MELK: variants seen among roughly 807,000 people sequenced by gnomAD.
MELK encodes the protein pEg3 kinase.
Under a neutral mutation model 85.0 loss-of-function variants are expected in MELK, and 81 were observed. The observed-to-expected ratio is 0.95, with a 90% CI of 0.80 to 1.15. MELK has a LOEUF of 1.15. MELK is among the 50% of genes most tolerant of loss of function. MELK has a pLI of 0.00. For synonymous variants in MELK, 252 were observed against 265.0 expected (o/e 0.95, Z 0.48); for missense variants, 754 against 777.5 (o/e 0.97, Z 0.36).
At chr9:36,668,723 C>A (rs1057105124) in intron 14 of MELK, among the ~76,000 whole-genome samples, 1 of 152,004 alleles carries the variant, frequency 6.6e-6, no homozygotes, top group African/African-American at 2.4e-5. Context: ...CCATGTTGGC[C>A]AGGCTGGTCT....
At chr9:36,647,244 G>A (rs924564081) in intron 11 of MELK, among the ~76,000 whole-genome samples, 1 of 152,168 alleles carries the variant, frequency 6.6e-6, no homozygotes, top group Non-Finnish European at 1.5e-5. Context: ...CAATGCCTGG[G>A]TTATGCCATG....
Position 36,657,325 on chromosome 9 carries a change from G to T in MELK, c.1138G>T (p.Asp380Tyr), listed in dbSNP as rs559946050. 4.3e-6 allele frequency: 7 copies of T among 1,613,092 alleles called. No individual in the cohort carries two copies. Among genetic ancestry groups the T allele is most frequent in the Non-Finnish European group, 5.9e-6 (7 of 1,179,804 alleles). Residue 380 changes from aspartate (D) to tyrosine (Y), a missense_variant, in exon 13 of 18, where the codon GAT (aspartate) becomes TAT (tyrosine). Physicochemically the swap from Asp to Tyr is radical, Grantham distance 160. Transcript: ENST00000298048. Reference protein sequence around the residue: ...GLIDYDWCEDDLSTGAATPRT... With the variant: ...GLIDYDWCEDYLSTGAATPRT... ...AATAGACTATGATTGGTGTGAAGAT[G>T]ATTTATCAACAGGTGCTGCTACTCC...
intron 8 of MELK, among the ~76,000 whole-genome samples, chr9:36,613,040 TAATGTGGCCTCCCATCAC>T (rs1311917328): frequency 8.5e-5 from 13 of 152,354 alleles, no homozygotes; most frequent in Admixed American, 4.6e-4. Context: ...TTCCCCCGTG[TAATGTGGCCTCCCATCAC>T]CTCACTGCCC....
intron 14 of MELK, 140 bp downstream of exon 14, chr9:36,665,721 C>T (rs112302692): frequency 2.3e-5 from 14 of 596,418 alleles, no homozygotes; most frequent in African/African-American, 1.9e-4. Flanking sequence ...ATGTCATTTG[C>T]ATTAGTTAAA....
intron 8 of MELK, among the ~76,000 whole-genome samples, chr9:36,615,388 G>T (rs1259627085): frequency 7.4e-6 from 1 of 136,016 alleles, no homozygotes; most frequent in African/African-American, 3.0e-5. Context: ...CTGGCCGGGC[G>T]GGGGGCTGAC....
chr9:36,629,380 T>C (rs987945483), intron 8 of MELK, among the ~76,000 whole-genome samples: 1 of 152,210 alleles, frequency 6.6e-6, no homozygotes, highest in Non-Finnish European at 1.5e-5. Flanking sequence ...TGTATTAGCA[T>C]TTAGCCAAGT....
chr9:36,599,422 G>T lies in MELK; in HGVS notation c.503G>T (p.Cys168Phe). Residue 168 changes from cysteine (C) to phenylalanine (F), a missense_variant, in exon 7 of 18, where the codon TGC becomes TTC. Cys to Phe is a radical substitution (Grantham distance 205, BLOSUM62 -2). Coordinates refer to ENST00000298048, the MANE Select transcript of MELK (RefSeq NM_014791.4). ...AACAAGGATTACCATCTACAGACATGCTGTGGGAGTCTGGCTTATGCAGCA... is the reference window on the plus strand; with the variant it reads ...AACAAGGATTACCATCTACAGACATTCTGTGGGAGTCTGGCTTATGCAGCA... ...KGNKDYHLQT[C>F]CGSLAYAAPE... is the part of the protein sequence containing the mutation. The T allele has an allele frequency of 6.2e-7, 1 of 1,613,074 alleles. No individual in the cohort carries two copies. Among genetic ancestry groups the T allele is most frequent in the Non-Finnish European group, 8.5e-7 (1 of 1,179,422 alleles).
At chr9:36,582,186 T>C (rs1822320724) in intron 2 of MELK, among the ~76,000 whole-genome samples, 1 of 152,118 alleles carries the variant, frequency 6.6e-6, no homozygotes, top group Admixed American at 6.6e-5. Context: ...ATCAGGATGG[T>C]CTCGATCTCC....
chr9:36,660,414 C>T (rs1831681914), intron 13 of MELK, among the ~76,000 whole-genome samples: 1 of 151,848 alleles, frequency 6.6e-6, no homozygotes, highest in Non-Finnish European at 1.5e-5. Context: ...ACCTCCTGGG[C>T]TTAAGCAATT....
At chr9:36,660,081 G>A (rs534567439) in intron 13 of MELK, among the ~76,000 whole-genome samples, 1 of 152,300 alleles carries the variant, frequency 6.6e-6, no homozygotes, top group African/African-American at 2.4e-5. Context: ...TTACAGGCGT[G>A]AGCCACCATG....
At chr9:36,629,843 G>GTTTT (rs11298711) in intron 8 of MELK, among the ~76,000 whole-genome samples, 80 of 111,472 alleles carry the variant, frequency 7.2e-4, no homozygotes, top group Non-Finnish European at 9.7e-4. Flanking sequence ...GCAAGAAATT[G>GTTTT]TTTTTTTTTT....
At chr9:36,577,186 C>T (rs1161214304) in intron 1 of MELK, among the ~76,000 whole-genome samples, 2 of 152,086 alleles carry the variant, frequency 1.3e-5, no homozygotes, top group Non-Finnish European at 2.9e-5. Flanking sequence ...AGGTAGTTTA[C>T]GTGGCACCTG....
intron 14 of MELK, 96 bp downstream of exon 14, chr9:36,665,677 G>A (rs908243068): frequency 1.2e-6 from 1 of 839,906 alleles, no homozygotes; most frequent in Non-Finnish European, 1.8e-6. Flanking sequence ...ATTGCTTTCA[G>A]GAATTTCTAG....
chr9:36,627,095 C>T (rs1021777166), intron 8 of MELK, among the ~76,000 whole-genome samples: 7 of 150,854 alleles, frequency 4.6e-5, no homozygotes, highest in African/African-American at 1.7e-4. Context: ...CACACGCCAA[C>T]TGTAAATGAA....
intron 3 of MELK, among the ~76,000 whole-genome samples, chr9:36,588,199 G>A (rs1377501714): frequency 6.7e-6 from 1 of 150,144 alleles, no homozygotes; most frequent in African/African-American, 2.5e-5. Context: ...TGGGATTACA[G>A]ACATGCGCCA....
intron 11 of MELK, among the ~76,000 whole-genome samples, chr9:36,646,341 A>G (rs186945277): frequency 7.8e-4 from 119 of 152,318 alleles, no homozygotes; most frequent in Non-Finnish European, 3.2e-4. Context: ...TAGACAGGAC[A>G]GAGAGAGATT....
At chr9:36,578,243 G>GTTT (rs111828743) in intron 1 of MELK, among the ~76,000 whole-genome samples, 1 of 148,466 alleles carries the variant, frequency 6.7e-6, no homozygotes. Flanking sequence ...GATCCAATGT[G>GTTT]TTTTTTTTTT....
At chr9:36,649,256 G>A (rs1382322402) in intron 11 of MELK, among the ~76,000 whole-genome samples, 2 of 152,168 alleles carry the variant, frequency 1.3e-5, no homozygotes, top group South Asian at 2.1e-4. Flanking sequence ...GGAGGCCAGC[G>A]CGGGCAGATC....
chr9:36,626,453 A>G (rs1827936013), intron 8 of MELK, among the ~76,000 whole-genome samples: 1 of 152,220 alleles, frequency 6.6e-6, no homozygotes, highest in South Asian at 2.1e-4. Flanking sequence ...GACCTTAGTT[A>G]TAGCTTAAAA....
Sources: allele counts gnomAD v4.1 joint callset (sites outside exome capture counted in the v4.1 genomes callset), GRCh38; gene constraint gnomAD v4.1.1; transcripts MANE v1.5; gene names NCBI Gene and HGNC (gene_info 2026-07-23, HGNC 2026-07-21).